SNTG1: variants seen among roughly 807,000 people sequenced by gnomAD.
SNTG1 encodes syntrophin gamma 1.
Under a neutral mutation model 74.7 loss-of-function variants are expected in SNTG1, and 39 were observed. The observed-to-expected ratio is 0.52, with a 90% confidence interval of 0.40 to 0.68. The LOEUF is 0.68. Among genes scored for constraint, SNTG1 ranks in the 30% least tolerant of loss-of-function variants. The pLI is 0.00. For synonymous variants in SNTG1, 254 were observed against 217.1 expected, an observed-to-expected ratio of 1.17 and a Z score of -1.49; for missense variants, 685 against 609.5, an observed-to-expected ratio of 1.12 and a Z score of -1.30.
chr8:50,090,521 T>C (rs974400716), intron 1 of SNTG1, among the ~76,000 whole-genome samples: 1 of 152,180 alleles, frequency 6.6e-6, no homozygotes, highest in Non-Finnish European at 1.5e-5. Flanking sequence ...TCTAGAAGTC[T>C]TGATACTCAT....
At chr8:49,938,544 CTTCTTTTCTTTTG>C (rs1808298541) in intron 1 of SNTG1, among the ~76,000 whole-genome samples, 1 of 105,086 alleles carries the variant, frequency 9.5e-6, no homozygotes, top group Non-Finnish European at 2.0e-5. Flanking sequence ...CTTACCATGC[CTTCTTTTCTTTTG>C]TTTTCTTTTC....
intron 2 of SNTG1, among the ~76,000 whole-genome samples, chr8:50,173,660 G>A (rs2131665832): frequency 6.6e-6 from 1 of 152,188 alleles, no homozygotes; most frequent in South Asian, 2.1e-4. Flanking sequence ...GAGGCACTGA[G>A]GATTAAGCAA....
intron 8 of SNTG1, among the ~76,000 whole-genome samples, chr8:50,497,483 T>A (rs1585466818): frequency 6.6e-6 from 1 of 152,040 alleles, no homozygotes; most frequent in African/African-American, 2.4e-5. Context: ...AGTCACATAA[T>A]ATTGATTATA....
intron 1 of SNTG1, among the ~76,000 whole-genome samples, chr8:49,935,634 T>A (rs1808015556): frequency 6.6e-6 from 1 of 150,690 alleles, no homozygotes; most frequent in Non-Finnish European, 1.5e-5. Context: ...ACAGGAGAAA[T>A]CAAACAAAGG....
intron 15 of SNTG1, among the ~76,000 whole-genome samples, chr8:50,684,082 G>A (rs1302526212): frequency 6.6e-6 from 1 of 152,078 alleles, no homozygotes; most frequent in Non-Finnish European, 1.5e-5. Flanking sequence ...TTTAAGTGTG[G>A]GTTTGTTTGA....
intron 2 of SNTG1, among the ~76,000 whole-genome samples, chr8:50,214,501 C>A (rs943043666): frequency 2.6e-5 from 4 of 151,776 alleles, no homozygotes; most frequent in African/African-American, 9.7e-5. Flanking sequence ...AGTCAGAAAA[C>A]CACTTTGGAC....
chr8:50,278,413 C>A (rs184871470), intron 2 of SNTG1, among the ~76,000 whole-genome samples: 2 of 152,216 alleles, frequency 1.3e-5, no homozygotes, highest in Non-Finnish European at 2.9e-5. Context: ...CTTTCTGCCT[C>A]AGTAAAAGTA....
chr8:50,493,550 C>A (rs764705747), intron 8 of SNTG1, among the ~76,000 whole-genome samples: 2 of 152,048 alleles, frequency 1.3e-5, no homozygotes, highest in South Asian at 4.1e-4. Context: ...CTTCCTAATA[C>A]GCTTTATCAT....
intron 8 of SNTG1, among the ~76,000 whole-genome samples, chr8:50,488,153 A>G (rs867403963): frequency 1.1e-4 from 16 of 152,294 alleles, no homozygotes; most frequent in Middle Eastern, 3.4e-3. Context: ...GCTGGGCTCT[A>G]TAGATAAAGA....
intron 1 of SNTG1, among the ~76,000 whole-genome samples, chr8:50,107,546 A>G (rs546130437): frequency 3.3e-5 from 5 of 151,284 alleles, no homozygotes; most frequent in Non-Finnish European, 7.4e-5. Flanking sequence ...ATAAATGCGG[A>G]ATCAAGGTTT....
intron 1 of SNTG1, among the ~76,000 whole-genome samples, chr8:50,089,878 A>C (rs1231683518): frequency 6.6e-6 from 1 of 152,166 alleles, no homozygotes. Context: ...AACTAGAAAT[A>C]CCATTTGACC....
intron 1 of SNTG1, among the ~76,000 whole-genome samples, chr8:50,057,861 A>G (rs189232736): frequency 7.4e-4 from 113 of 152,108 alleles, no homozygotes; most frequent in Non-Finnish European, 1.3e-3. Context: ...ACCCATGATC[A>G]TTTCAGTTTA....
At chr8:50,334,505 TA>T (rs34886446) in intron 2 of SNTG1, among the ~76,000 whole-genome samples, 9,687 of 136,944 alleles carry the variant, frequency 0.071, 308 homozygotes, top group Non-Finnish European at 0.08. Flanking sequence ...ATATCTCTGC[TA>T]AAAAAAAAAA....
At chr8:50,234,431 A>G (rs2085789871) in intron 2 of SNTG1, among the ~76,000 whole-genome samples, 1 of 151,932 alleles carries the variant, frequency 6.6e-6, no homozygotes. Context: ...GTCATGGAAT[A>G]GTTTTTCAAA....
chr8:50,469,301 C>T (rs1418713362), intron 8 of SNTG1, among the ~76,000 whole-genome samples: 3 of 150,970 alleles, frequency 2.0e-5, no homozygotes, highest in African/African-American at 7.3e-5. Context: ...ACATGATTCA[C>T]TTTTTTCTCC....
chr8:50,544,358 C>T (rs1238945507), intron 11 of SNTG1, among the ~76,000 whole-genome samples: 4 of 151,880 alleles, frequency 2.6e-5, no homozygotes, highest in Non-Finnish European at 5.9e-5. Flanking sequence ...TTAGATATTT[C>T]AAAATTTATT....
At chr8:50,633,694 G>A (rs1442622406) in intron 13 of SNTG1, among the ~76,000 whole-genome samples, 2 of 152,148 alleles carry the variant, frequency 1.3e-5, no homozygotes, top group African/African-American at 4.8e-5. Context: ...ATCCAAACGA[G>A]CTGGGGAACT....
intron 9 of SNTG1, among the ~76,000 whole-genome samples, chr8:50,505,864 T>A (rs995082581): frequency 6.6e-6 from 1 of 152,106 alleles, no homozygotes; most frequent in Admixed American, 6.6e-5. Context: ...TCTTCTGTAG[T>A]CAAGTCTATT....
chr8:50,469,683 T>A (rs945657982), intron 8 of SNTG1, among the ~76,000 whole-genome samples: 3 of 152,086 alleles, frequency 2.0e-5, no homozygotes, highest in Non-Finnish European at 4.4e-5. Flanking sequence ...GACCTTAGAT[T>A]AAAAGCCTCC....
Sources: gnomAD v4.1 joint callset for allele counts (sites outside exome capture counted in the v4.1 genomes callset) on GRCh38, gnomAD v4.1.1 for gene constraint, MANE v1.5 for transcripts, NCBI Gene and HGNC (gene_info 2026-07-23, HGNC 2026-07-21) for gene names.